The following PDE4D variants were observed in gnomAD, a reference collection of about 807,000 sequenced individuals.
PDE4D encodes phosphodiesterase 4D.
In PDE4D, 24 loss-of-function variants were observed where a neutral mutation model predicts 87.4. The ratio of observed to expected loss-of-function variants is 0.27; its 90% CI spans 0.20 to 0.39. The LOEUF (loss-of-function observed/expected upper bound fraction) is 0.39. PDE4D is among the 10% of genes least tolerant of loss of function. PDE4D has a pLI of 1.00. For missense variants in PDE4D, 714 were observed against 1,041.0 expected, an observed-to-expected ratio of 0.69 and a Z score of 4.32; for synonymous variants, 384 against 383.2, an observed-to-expected ratio of 1.00 and a Z score of -0.02.
chr5:60,115,949 G>A (rs917608501), intron 2 of PDE4D, among the ~76,000 whole-genome samples: 2 of 152,090 alleles, frequency 1.3e-5, no homozygotes, highest in African/African-American at 2.4e-5. Context: ...TCTTGCTGTT[G>A]TGTGCTCAAT....
intron 1 of PDE4D, among the ~76,000 whole-genome samples, chr5:59,622,930 T>C (rs1830501680): frequency 1.3e-5 from 2 of 152,188 alleles, no homozygotes; most frequent in Non-Finnish European, 2.9e-5. Flanking sequence ...TGATTCTTTA[T>C]CGTTGTGATC....
intron 1 of PDE4D, among the ~76,000 whole-genome samples, chr5:59,284,058 TG>T (rs1561879433): frequency 6.6e-6 from 1 of 152,176 alleles, no homozygotes; most frequent in Non-Finnish European, 1.5e-5. Flanking sequence ...TGCAATCCCT[TG>T]CTCTTGATCA....
At chr5:60,199,770 A>G (rs1741698665) in intron 1 of PDE4D, among the ~76,000 whole-genome samples, 1 of 151,712 alleles carries the variant, frequency 6.6e-6, no homozygotes, top group Non-Finnish European at 1.5e-5. Flanking sequence ...AACTCATCCA[A>G]ACTCTGCTAA....
intron 1 of PDE4D, among the ~76,000 whole-genome samples, chr5:59,615,078 C>T (rs1162895359): frequency 6.6e-6 from 1 of 152,148 alleles, no homozygotes; most frequent in Non-Finnish European, 1.5e-5. Flanking sequence ...GATCTGCAGG[C>T]CTCGACCTCC....
chr5:59,490,827 A>G (rs1806045907), intron 1 of PDE4D, among the ~76,000 whole-genome samples: 1 of 152,222 alleles, frequency 6.6e-6, no homozygotes, highest in South Asian at 2.1e-4. Flanking sequence ...CGAAAGTAAA[A>G]GGCTCATTTC....
intron 1 of PDE4D, among the ~76,000 whole-genome samples, chr5:59,790,580 G>A (rs769921916): frequency 1.3e-5 from 2 of 152,094 alleles, no homozygotes; most frequent in Non-Finnish European, 1.5e-5. Context: ...GTTGACCTAC[G>A]ACCAGCTAAC....
At chr5:60,474,388 C>T (rs1313602447) in intron 1 of PDE4D, among the ~76,000 whole-genome samples, 1 of 151,422 alleles carries the variant, frequency 6.6e-6, no homozygotes, top group Non-Finnish European at 1.5e-5. Context: ...ACCTAATCAC[C>T]TCCCAAACCC....
chr5:59,440,204 G>T (rs1290841875), intron 1 of PDE4D, among the ~76,000 whole-genome samples: 2 of 152,100 alleles, frequency 1.3e-5, no homozygotes, highest in African/African-American at 2.4e-5. Context: ...TAAATTTGAT[G>T]AATTAATCCC....
intron 1 of PDE4D, among the ~76,000 whole-genome samples, chr5:59,373,906 A>G (rs928479668): frequency 1.3e-5 from 2 of 152,286 alleles, no homozygotes; most frequent in Middle Eastern, 3.4e-3. Flanking sequence ...TCCAACCAAC[A>G]ATTTCATATC....
intron 1 of PDE4D, among the ~76,000 whole-genome samples, chr5:59,566,694 G>A (rs1218084072): frequency 6.6e-6 from 1 of 152,038 alleles, no homozygotes; most frequent in Non-Finnish European, 1.5e-5. Flanking sequence ...CTACGAATGA[G>A]TGATGAATGC....
intron 1 of PDE4D, among the ~76,000 whole-genome samples, chr5:59,876,612 C>T (rs1019268293): frequency 7.9e-5 from 12 of 152,136 alleles, no homozygotes; most frequent in Admixed American, 7.9e-4. Context: ...ACTGGACTCC[C>T]CCCACCTTCT....
chr5:59,612,069 C>T (rs1228923428), intron 1 of PDE4D, among the ~76,000 whole-genome samples: 2 of 152,132 alleles, frequency 1.3e-5, no homozygotes, highest in Admixed American at 6.6e-5. Flanking sequence ...TTCCTATAAG[C>T]TTGAGTTTTT....
At chr5:59,587,584 C>T in intron 1 of PDE4D, 1 of 985,436 alleles carries the variant, frequency 1.0e-6, no homozygotes, top group Non-Finnish European at 1.2e-6. Flanking sequence ...CTCTGATCAG[C>T]TCAGGACACT....
chr5:60,239,445 A>G (rs893918188), intron 1 of PDE4D, among the ~76,000 whole-genome samples: 1 of 152,142 alleles, frequency 6.6e-6, no homozygotes, highest in African/African-American at 2.4e-5. Flanking sequence ...AATCAGATTG[A>G]TCAGATTGTC....
At chr5:59,084,905 CAATT>C (rs1177949488) in intron 5 of PDE4D, among the ~76,000 whole-genome samples, 1 of 151,944 alleles carries the variant, frequency 6.6e-6, no homozygotes, top group African/African-American at 2.4e-5. Context: ...ATAAAGAGAA[CAATT>C]AAAATGATAA....
At chr5:60,117,258 T>A (rs995869038) in intron 2 of PDE4D, among the ~76,000 whole-genome samples, 2 of 152,008 alleles carry the variant, frequency 1.3e-5, no homozygotes, top group African/African-American at 4.8e-5. Context: ...TTTTTTCACT[T>A]TTATCCCTTA....
chr5:59,833,414 G>T (rs571795290), intron 1 of PDE4D, among the ~76,000 whole-genome samples: 1 of 151,994 alleles, frequency 6.6e-6, no homozygotes, highest in Admixed American at 6.6e-5. Flanking sequence ...GCCCTGAGAT[G>T]AGTGGATTTG....
intron 1 of PDE4D, among the ~76,000 whole-genome samples, chr5:59,346,536 T>G (rs1186320298): frequency 3.9e-5 from 6 of 152,140 alleles, no homozygotes; most frequent in Admixed American, 1.3e-4. Flanking sequence ...AATTTCTTCT[T>G]TCCCTTTCTT....
intron 1 of PDE4D, among the ~76,000 whole-genome samples, chr5:60,423,137 A>G (rs945685097): frequency 6.6e-6 from 1 of 152,232 alleles, no homozygotes; most frequent in Non-Finnish European, 1.5e-5. Flanking sequence ...CCGATCAACC[A>G]GAGAGAAGGT....
Sources: allele counts gnomAD v4.1 joint callset (sites outside exome capture counted in the v4.1 genomes callset), GRCh38; gene constraint gnomAD v4.1.1; transcripts MANE v1.5; gene names NCBI Gene and HGNC (gene_info 2026-07-23, HGNC 2026-07-21).